The following TNS3 variants were observed in gnomAD, a reference collection of about 807,000 sequenced individuals.
TNS3 encodes the protein tensin-3.
A neutral mutation model predicts 140.9 loss-of-function variants in TNS3; 45 were observed. The ratio of observed to expected loss-of-function variants is 0.32; its 90% CI spans 0.25 to 0.41. TNS3 has a LOEUF of 0.41. Ranked by LOEUF, TNS3 falls within the 10% of genes least tolerant of loss-of-function variation. TNS3 has a pLI of 1.00. For missense variants in TNS3, 1,716 were observed against 1,906.7 expected (o/e 0.90, Z 1.86); for synonymous variants, 815 against 788.4 (o/e 1.03, Z -0.56).
At chr7:47,486,768 T>A (rs1057492817) in intron 3 of TNS3, among the ~76,000 whole-genome samples, 2 of 152,224 alleles carry the variant, frequency 1.3e-5, no homozygotes, top group African/African-American at 4.8e-5. Context: ...CTTTTATTGT[T>A]GTTTCTTATT....
In TNS3 at chr7:47,389,067, A is replaced by T. The variant is rs1173636118; in HGVS notation, c.1024+7733T>A. 3.6e-4 allele frequency among the ~76,000 whole-genome samples: 27 copies of T among 73,990 alleles called. 4 individuals carry two copies. Among genetic ancestry groups the T allele is most frequent in the African/African-American group, 1.4e-3 (22 of 15,676 alleles). The allele number at this position is 73,990 out of a possible 152,430, so 48.5% of individuals were successfully genotyped here. A position where few individuals can be genotyped will look rare whatever the true frequency, so the allele number is the denominator to read the frequency against. On this transcript the variant is annotated intron_variant, in intron 16 of 30. Transcript: ENST00000311160. ...GAAGAAGAAGAAGAAGAAGAAGAAGAAGAAGAAGAAGAAGAAGAGGAAGAG... is the reference window on the plus strand; with the variant it reads ...GAAGAAGAAGAAGAAGAAGAAGAAGTAGAAGAAGAAGAAGAAGAGGAAGAG...
chr7:47,566,850 G>T (rs1490866236), intron 1 of TNS3, among the ~76,000 whole-genome samples: 1 of 151,950 alleles, frequency 6.6e-6, no homozygotes, highest in Non-Finnish European at 1.5e-5. Context: ...GACCAGCCTG[G>T]CCAACATGGT....
chr7:47,473,663 T>G (rs1280957500), intron 4 of TNS3, among the ~76,000 whole-genome samples: 1 of 152,098 alleles, frequency 6.6e-6, no homozygotes. Flanking sequence ...CCCAGAGACT[T>G]GTGGGAAGCC....
At chr7:47,530,838 A>AAAAAAAAAAAAAAAAATATAT in intron 1 of TNS3, among the ~76,000 whole-genome samples, 3 of 54,564 alleles carry the variant, frequency 5.5e-5, no homozygotes, top group East Asian at 4.9e-4. Context: ...AAAAAAAAAA[A>AAAAAAAAAAAAAAAAATATAT]ATATATATAT....
intron 16 of TNS3, among the ~76,000 whole-genome samples, chr7:47,393,958 G>A (rs1233486954): frequency 2.0e-5 from 3 of 151,890 alleles, no homozygotes; most frequent in East Asian, 1.9e-4. Flanking sequence ...CCCAACTCTC[G>A]GTGACACAGA....
chr7:47,556,072 C>T (rs1287404976), intron 1 of TNS3, among the ~76,000 whole-genome samples: 2 of 152,182 alleles, frequency 1.3e-5, no homozygotes, highest in Non-Finnish European at 2.9e-5. Context: ...CATTTAGGAA[C>T]GTGCACTTAC....
intron 5 of TNS3, among the ~76,000 whole-genome samples, chr7:47,441,283 A>AT (rs1455914103): frequency 6.6e-6 from 1 of 152,006 alleles, no homozygotes; most frequent in African/African-American, 2.4e-5. Flanking sequence ...GGTTAAAGGG[A>AT]TTCTCCTGCC....
intron 4 of TNS3, among the ~76,000 whole-genome samples, chr7:47,476,371 A>G (rs1280308317): frequency 6.6e-6 from 1 of 152,190 alleles, no homozygotes; most frequent in Admixed American, 6.5e-5. Flanking sequence ...ACATACACGT[A>G]GACTTACAGA....
chr7:47,309,061 G>C (rs1786924063), intron 20 of TNS3, among the ~76,000 whole-genome samples: 1 of 152,180 alleles, frequency 6.6e-6, no homozygotes, highest in Non-Finnish European at 1.5e-5. Context: ...CTTACACCTG[G>C]AAACTTTGTC....
In TNS3 at chr7:47,302,173, C is replaced by T; in HGVS notation, c.3544+13G>A. ...GGCAGATGCCCAAGGAGGCCCTCAT[C>T]CTCCCCACATACCTTGTTCTCTTGA... On this transcript the variant is annotated intron_variant, in intron 23 of 30. Transcript: ENST00000311160. The T allele has an allele frequency of 1.2e-6, 2 of 1,612,498 alleles. No homozygotes were observed. Among genetic ancestry groups the T allele is most frequent in the Non-Finnish European group, 1.7e-6 (2 of 1,178,488 alleles).
chr7:47,525,147 C>T (rs334521), intron 2 of TNS3, among the ~76,000 whole-genome samples: 93,964 of 152,024 alleles, frequency 0.62, 30,813 homozygotes, highest in Non-Finnish European at 0.72. Context: ...GGCAGCCCCG[C>T]TGCTTGTCCA....
At chr7:47,389,002 GGAAGAAGAAGAAGAA>G (rs1175410885) in intron 16 of TNS3, among the ~76,000 whole-genome samples, 29 of 6,646 alleles carry the variant, frequency 4.4e-3, no homozygotes, top group African/African-American at 5.6e-3. Context: ...AGAAGAAGAA[GGAAGAAGAAGAAGAA>G]GAAGAAGAAG....
chr7:47,280,458 GAA>G, intron 28 of TNS3, 104 bp from the exon 29 acceptor site: 1 of 1,045,064 alleles, frequency 9.6e-7, no homozygotes. Flanking sequence ...TCTTCCAGCA[GAA>G]AACATTTCAT....
At chr7:47,482,742 G>GA (rs138509243) in intron 3 of TNS3, among the ~76,000 whole-genome samples, 18 of 148,790 alleles carry the variant, frequency 1.2e-4, no homozygotes, top group South Asian at 6.5e-4. Flanking sequence ...CAAGCATGAT[G>GA]AAAAAAAAAA....
At chr7:47,370,369 T>C (rs1383379186) in intron 16 of TNS3, among the ~76,000 whole-genome samples, 1 of 152,202 alleles carries the variant, frequency 6.6e-6, no homozygotes, top group African/African-American at 2.4e-5. Flanking sequence ...TTGATTTGGG[T>C]CTTCCTGTTT....
intron 4 of TNS3, chr7:47,453,019 T>A: frequency 1.0e-6 from 1 of 985,546 alleles, no homozygotes; most frequent in Non-Finnish European, 1.2e-6. Context: ...CTTCCCCTGC[T>A]TTAGTCAAGC....
intron 4 of TNS3, among the ~76,000 whole-genome samples, chr7:47,479,495 C>T (rs1034695068): frequency 5.9e-5 from 9 of 151,576 alleles, no homozygotes; most frequent in Non-Finnish European, 1.0e-4. Context: ...CCCACCCCCC[C>T]GTCGGCGGTG....
intron 4 of TNS3, among the ~76,000 whole-genome samples, chr7:47,464,204 G>T (rs1031418933): frequency 6.6e-6 from 1 of 152,164 alleles, no homozygotes; most frequent in African/African-American, 2.4e-5. Context: ...CCCTACCTGA[G>T]GACCTCTATT....
intron 16 of TNS3, among the ~76,000 whole-genome samples, chr7:47,389,004 AAGAAGAAGAAGAAGAAGAAGAAG>A (rs1562674288): frequency 0.1 from 5,754 of 56,792 alleles, 1,254 homozygotes; most frequent in East Asian, 0.26. Context: ...AAGAAGAAGG[AAGAAGAAGAAGAAGAAGAAGAAG>A]AAGAAGAAGA....
Sources: allele counts gnomAD v4.1 joint callset (sites outside exome capture counted in the v4.1 genomes callset), GRCh38; gene constraint gnomAD v4.1.1; transcripts MANE v1.5; gene names NCBI Gene and HGNC (gene_info 2026-07-23, HGNC 2026-07-21).